The following MUSK variants were observed in gnomAD, a reference collection of about 807,000 sequenced individuals.
MUSK encodes muscle associated receptor tyrosine kinase.
A neutral mutation model predicts 88.7 loss-of-function variants in MUSK; 55 were observed. That is an observed-to-expected ratio of 0.62 (90% CI 0.50 to 0.78). The LOEUF (loss-of-function observed/expected upper bound fraction) is 0.78, where lower values mean the gene tolerates loss of function less well. Among genes scored for constraint, MUSK ranks in the 30% least tolerant of loss-of-function variants. The pLI, the probability that MUSK is intolerant of heterozygous loss-of-function variation, is 0.00. For missense variants in MUSK, 1,015 were observed against 1,074.3 expected (o/e 0.94, Z 0.77); for synonymous variants, 387 against 391.9 (o/e 0.99, Z 0.15).
At chr9:110,675,236 T>C (rs1366460196) in intron 1 of MUSK, among the ~76,000 whole-genome samples, 1 of 145,766 alleles carries the variant, frequency 6.9e-6, no homozygotes, top group Non-Finnish European at 1.5e-5. Flanking sequence ...TTTTTTTTTT[T>C]TTTGAGACAG....
intron 11 of MUSK, among the ~76,000 whole-genome samples, chr9:110,782,321 A>G (rs2077773791): frequency 6.6e-6 from 1 of 152,246 alleles, no homozygotes; most frequent in Non-Finnish European, 1.5e-5. Flanking sequence ...GGAAGATCAG[A>G]TCAAATCAGA....
chr9:110,694,215 C>CAAAAAA lies in MUSK; in HGVS notation c.359-1172_359-1167dup, dbSNP rs1217917603. 5.0e-4 allele frequency among the ~76,000 whole-genome samples: 36 copies of CAAAAAA among 72,092 alleles called. 1 individual carries two copies. Among genetic ancestry groups the CAAAAAA allele is most frequent in the African/African-American group, 1.8e-3 (34 of 18,510 alleles). The allele number at this position is 72,092 out of a possible 152,430, so 47.3% of individuals were successfully genotyped here. A position where few individuals can be genotyped will look rare whatever the true frequency, so the allele number is the denominator to read the frequency against. On this transcript the variant is annotated intron_variant, in intron 3 of 14. Transcript: ENST00000374448. Reference sequence around the variant, plus strand: ...TGAAACCCCGTCTCCACTAAAAATACAAAAAAAAAAAAAAAAAAAAATTAG... The same window carrying CAAAAAA: ...TGAAACCCCGTCTCCACTAAAAATACAAAAAAAAAAAAAAAAAAAAAAAAAAATTAG...
chr9:110,680,164 A>T (rs1490335523), intron 1 of MUSK, among the ~76,000 whole-genome samples: 2 of 152,118 alleles, frequency 1.3e-5, no homozygotes, highest in Non-Finnish European at 2.9e-5. Flanking sequence ...TAGCTGTGTA[A>T]TTCTAAGCTA....
intron 1 of MUSK, among the ~76,000 whole-genome samples, chr9:110,672,601 T>C (rs1210883379): frequency 2.0e-5 from 3 of 152,058 alleles, no homozygotes; most frequent in Non-Finnish European, 4.4e-5. Context: ...AACAAGGATA[T>C]TTAATGCTTG....
intron 5 of MUSK, chr9:110,727,563 C>T (rs1489921846): frequency 2.6e-5 from 5 of 189,080 alleles, no homozygotes; most frequent in Non-Finnish European, 5.7e-5. Flanking sequence ...GGCCATTAAA[C>T]CTGCCTATAA....
At chr9:110,741,276 T>C (rs2077094441) in intron 6 of MUSK, among the ~76,000 whole-genome samples, 1 of 152,138 alleles carries the variant, frequency 6.6e-6, no homozygotes, top group Non-Finnish European at 1.5e-5. Flanking sequence ...TTGTGAGTTA[T>C]ACCACCAATA....
chr9:110,740,550 T>C (rs2077084647), intron 6 of MUSK, among the ~76,000 whole-genome samples: 1 of 152,052 alleles, frequency 6.6e-6, no homozygotes, highest in Non-Finnish European at 1.5e-5. Flanking sequence ...CTAAATTAAA[T>C]AACAGTGACT....
chr9:110,760,937 C>A (rs768297850), intron 7 of MUSK, among the ~76,000 whole-genome samples: 1 of 152,006 alleles, frequency 6.6e-6, no homozygotes, highest in Non-Finnish European at 1.5e-5. Context: ...AAAATAACAC[C>A]CAAATGGATC....
chr9:110,774,616 G>C (rs2077636927), intron 9 of MUSK, among the ~76,000 whole-genome samples: 1 of 152,088 alleles, frequency 6.6e-6, no homozygotes, highest in Non-Finnish European at 1.5e-5. Flanking sequence ...GTGGAACCAA[G>C]CTAAGCAACT....
intron 4 of MUSK, 79 bp downstream of exon 4, chr9:110,695,609 C>T: frequency 8.6e-7 from 1 of 1,160,778 alleles, no homozygotes; most frequent in South Asian, 1.6e-5. Flanking sequence ...CAGTTACACA[C>T]TTACAAACTT....
intron 7 of MUSK, among the ~76,000 whole-genome samples, chr9:110,752,776 C>T (rs1299663945): frequency 6.6e-6 from 1 of 152,224 alleles, no homozygotes; most frequent in Non-Finnish European, 1.5e-5. Context: ...AAATAAAGAT[C>T]AGGCTTCATT....
chr9:110,671,609 G>A (rs1193550232), intron 1 of MUSK, among the ~76,000 whole-genome samples: 1 of 152,108 alleles, frequency 6.6e-6, no homozygotes, highest in Non-Finnish European at 1.5e-5. Flanking sequence ...CCAATGATAA[G>A]GGGAAGAATC....
intron 1 of MUSK, among the ~76,000 whole-genome samples, chr9:110,670,055 C>A (rs984510441): frequency 6.6e-6 from 1 of 150,590 alleles, no homozygotes; most frequent in Admixed American, 6.6e-5. Context: ...TCAAAGTTCA[C>A]ATGCAAATAA....
At chr9:110,756,509 T>C (rs1407423742) in intron 7 of MUSK, among the ~76,000 whole-genome samples, 3 of 151,320 alleles carry the variant, frequency 2.0e-5, no homozygotes, top group African/African-American at 2.4e-5. Flanking sequence ...GCCCTCAGAT[T>C]GTTGCAATTC....
At chr9:110,680,188 C>T (rs892558571) in intron 1 of MUSK, among the ~76,000 whole-genome samples, 7 of 151,972 alleles carry the variant, frequency 4.6e-5, no homozygotes, top group Admixed American at 1.3e-4. Flanking sequence ...GTTATTTTTA[C>T]GCAGTCATGT....
In MUSK at chr9:110,668,920, A is replaced by C; in HGVS notation, c.16A>C (p.Asn6His). The change falls in exon 1 of 15, where the codon AAC becomes CAC. Residue 6 changes from asparagine (N) to histidine (H), a missense_variant. Asn to His is a moderately conservative substitution (Grantham distance 68). Transcript: ENST00000374448. MRELV[N>H]IPLVHILTLV... ...TGGATTAATCATGAGAGAGCTCGTC[A>C]ACATTCCACTGGTACATATTCTTAC... 1 of 1,613,778 alleles carries C rather than the reference A, an allele frequency of 6.2e-7. No individual in the cohort carries two copies. Among genetic ancestry groups the C allele is most frequent in the Non-Finnish European group, 8.5e-7 (1 of 1,179,690 alleles).
In MUSK at chr9:110,800,662, G is replaced by C. The variant is rs748922669; in HGVS notation, c.2284G>C (p.Asp762His). ...AGACTACTACAAAGCTAATGAAAAC[G>C]ACGCTATCCCTATCCGTTGGATGCC... ...SADYYKANENDAIPIRWMPPE... is the reference protein window; with the variant it reads ...SADYYKANENHAIPIRWMPPE... The change falls in exon 15 of 15, where the codon GAC becomes CAC. Residue 762 changes from aspartate to histidine, a missense_variant. Asp to His is a moderately conservative substitution (Grantham distance 81). Transcript: ENST00000374448. The C allele has an allele frequency of 1.2e-6, 2 of 1,613,888 alleles. No homozygotes were observed. Among genetic ancestry groups the C allele is most frequent in the Admixed American group, 3.3e-5 (2 of 60,016 alleles).
intron 8 of MUSK, among the ~76,000 whole-genome samples, chr9:110,766,593 A>G (rs2077488792): frequency 6.6e-6 from 1 of 152,178 alleles, no homozygotes; most frequent in Non-Finnish European, 1.5e-5. Flanking sequence ...ATTCCAATGA[A>G]TTTGCTTTAA....
chr9:110,693,791 A>C (rs2076390152), intron 3 of MUSK, among the ~76,000 whole-genome samples: 1 of 152,252 alleles, frequency 6.6e-6, no homozygotes, highest in African/African-American at 2.4e-5. Context: ...TTTACCATAG[A>C]GATCTTGTTC....
Sources: gnomAD v4.1 joint callset for allele counts (sites outside exome capture counted in the v4.1 genomes callset) on GRCh38, gnomAD v4.1.1 for gene constraint, MANE v1.5 for transcripts, NCBI Gene and HGNC (gene_info 2026-07-23, HGNC 2026-07-21) for gene names.